FNBP1: variants seen among roughly 807,000 people sequenced by gnomAD.
FNBP1 encodes formin-binding protein 1.
In FNBP1, 26 loss-of-function variants were observed where a neutral mutation model predicts 90.6. That is an observed-to-expected ratio of 0.29 (90% confidence interval 0.21 to 0.40). The LOEUF (loss-of-function observed/expected upper bound fraction) is 0.40. Ranked by LOEUF, FNBP1 falls within the 10% of genes least tolerant of loss-of-function variation. FNBP1 has a pLI of 1.00. For synonymous variants in FNBP1, 260 were observed against 265.2 expected, an observed-to-expected ratio of 0.98 and a Z score of 0.19; for missense variants, 635 against 768.0, an observed-to-expected ratio of 0.83 and a Z score of 2.05.
intron 6 of FNBP1, among the ~76,000 whole-genome samples, chr9:129,937,567 C>G (rs1369173157): frequency 8.4e-6 from 1 of 119,304 alleles, no homozygotes; most frequent in Non-Finnish European, 1.8e-5. Context: ...CCCGTCTCTA[C>G]TAAAAATACA....
chr9:129,892,414 C>CACAAACACACAA (rs56282507), intron 16 of FNBP1, among the ~76,000 whole-genome samples: 1 of 125,232 alleles, frequency 8.0e-6, no homozygotes, highest in African/African-American at 3.0e-5. Flanking sequence ...CACACACACA[C>CACAAACACACAA]ACAAAAAGGT....
At chr9:129,990,017 C>A (rs537970787) in intron 2 of FNBP1, among the ~76,000 whole-genome samples, 1 of 151,912 alleles carries the variant, frequency 6.6e-6, no homozygotes, top group Admixed American at 6.6e-5. Flanking sequence ...CAGAGTGAGA[C>A]CCTGTCTCAA....
At chr9:129,985,022 A>G (rs2051935546) in intron 2 of FNBP1, among the ~76,000 whole-genome samples, 1 of 152,120 alleles carries the variant, frequency 6.6e-6, no homozygotes, top group South Asian at 2.1e-4. Flanking sequence ...CGTAAACCCC[A>G]TAACAGAACC....
chr9:129,924,229 G>A (rs112189461), intron 9 of FNBP1, among the ~76,000 whole-genome samples: 13 of 152,186 alleles, frequency 8.5e-5, no homozygotes, highest in Non-Finnish European at 5.9e-5. Flanking sequence ...TAAGTAATGC[G>A]ACAGAAGAGC....
intron 1 of FNBP1, among the ~76,000 whole-genome samples, chr9:129,998,875 C>G (rs937239440): frequency 6.6e-6 from 1 of 152,074 alleles, no homozygotes. Context: ...TATAATAAAG[C>G]GTTTACCAAG....
chr9:130,043,908 G>C (rs2060022464), upstream of FNBP1, among the ~76,000 whole-genome samples: 1 of 152,218 alleles, frequency 6.6e-6, no homozygotes, highest in Non-Finnish European at 1.5e-5. Flanking sequence ...TCCCGCACGT[G>C]CTGGCCGGGC....
intron 1 of FNBP1, among the ~76,000 whole-genome samples, chr9:130,035,861 G>A (rs1369154033): frequency 6.6e-6 from 1 of 152,026 alleles, no homozygotes; most frequent in Non-Finnish European, 1.5e-5. Context: ...CAGGAGAATC[G>A]CTTGAACCCG....
At chr9:129,953,109 C>G (rs1178669193) in intron 6 of FNBP1, among the ~76,000 whole-genome samples, 1 of 152,180 alleles carries the variant, frequency 6.6e-6, no homozygotes, top group Non-Finnish European at 1.5e-5. Flanking sequence ...TAAAAACTGA[C>G]TGTGTACTAG....
Position 129,903,233 on chromosome 9 carries a change from G to A in FNBP1, c.1296-232C>T, listed in dbSNP as rs551325547. Among the ~76,000 whole-genome samples the A allele has an allele frequency of 2.0e-5, 3 of 152,228 alleles. No individual in the cohort carries two copies. In the South Asian group the frequency reaches 6.2e-4, roughly 32 times the overall value. ...CACCCACCTAATTTTTGTATTTTTA[G>A]TAGAGATGGGGTTTTGCCACGTTGG... On this transcript the variant is annotated intron_variant, in intron 12 of 16. Transcript: ENST00000446176.
At chr9:129,904,794 C>T (rs961215197) in intron 12 of FNBP1, among the ~76,000 whole-genome samples, 2 of 152,052 alleles carry the variant, frequency 1.3e-5, no homozygotes, top group African/African-American at 4.8e-5. Context: ...CCTCCTGTTA[C>T]AATGGAAGCT....
In FNBP1 at chr9:130,006,634, C is replaced by A. The variant is rs527406746; in HGVS notation, c.25-11676G>T. ...GCAGTGAGACATGATGGTGCCACTG[C>A]ACTCCAGCCTGGGCGACAGAGGAAG... On this transcript the variant is annotated intron_variant, in intron 1 of 16. Coordinates refer to ENST00000446176, the MANE Select transcript of FNBP1 (RefSeq NM_015033.3). Among the ~76,000 whole-genome samples the A allele has an allele frequency of 7.2e-5, 11 of 152,256 alleles. No individual in the cohort carries two copies. In the South Asian group the frequency reaches 2.3e-3, roughly 32 times the overall value.
chr9:129,962,011 C>T (rs2047914940), intron 4 of FNBP1, among the ~76,000 whole-genome samples: 1 of 152,208 alleles, frequency 6.6e-6, no homozygotes, highest in African/African-American at 2.4e-5. Flanking sequence ...ATCTCATGAA[C>T]CCTTGCCCTC....
chr9:129,907,580 GGTGTGTGT>G (rs55973122), intron 12 of FNBP1, among the ~76,000 whole-genome samples: 14,593 of 147,026 alleles, frequency 0.099, 775 homozygotes, highest in African/African-American at 0.13. Context: ...TAGGAGTGAG[GGTGTGTGT>G]GTGTGTGTGT....
At chr9:129,981,190 G>A (rs1428205451) in intron 2 of FNBP1, among the ~76,000 whole-genome samples, 1 of 152,122 alleles carries the variant, frequency 6.6e-6, no homozygotes, top group East Asian at 1.9e-4. Context: ...CTGGGTTCAA[G>A]TGATTCTCCT....
intron 4 of FNBP1, 175 bp downstream of exon 4, chr9:129,978,290 A>T: frequency 1.8e-6 from 1 of 560,572 alleles, no homozygotes; most frequent in Middle Eastern, 4.9e-4. Context: ...AAGTCCTGGG[A>T]TTACAGGCAT....
rs1205171985 is a variant in FNBP1 at position 129,965,687 on chromosome 9, C to CACACAG, written c.346-7135_346-7134insCTGTGT. Among the ~76,000 whole-genome samples, 26 of 7,108 alleles carry CACACAG rather than the reference C, an allele frequency of 3.7e-3. No homozygotes were observed. In the South Asian group the frequency reaches 0.12, roughly 34 times the overall value. 4.7% of individuals were successfully genotyped at this position (7,108 alleles called of 152,430 possible). A position where few individuals can be genotyped will look rare whatever the true frequency, so the allele number is the denominator to read the frequency against. ...GTGAAACCCCATCTCTCTTAAAACA[C>CACACAG]ACACACACACGCGCGCGCGCGCACA... is the stretch of plus-strand genomic sequence containing the variant. On this transcript the variant is annotated intron_variant, in intron 4 of 16. Transcript: ENST00000446176.
At chr9:129,995,239 A>G (rs1312999427) in intron 1 of FNBP1, among the ~76,000 whole-genome samples, 1 of 152,158 alleles carries the variant, frequency 6.6e-6, no homozygotes, top group East Asian at 1.9e-4. Flanking sequence ...GCAAGGAAAA[A>G]TGTCATTCCC....
Position 129,890,822 on chromosome 9 carries a change from A to G in FNBP1, c.1847-276T>C, listed in dbSNP as rs1039057429. ...GAGACTGATGAGGCCATCCGCCCCA[A>G]CTCGTCTTTCTCATAAGTTTAGTTT... On this transcript the variant is annotated intron_variant, in intron 16 of 16. Coordinates refer to ENST00000446176, the MANE Select transcript of FNBP1 (RefSeq NM_015033.3). The surrounding 1 kb of genome is among the most constrained non-coding windows in gnomAD (Gnocchi z 5.8). 6.6e-6 allele frequency among the ~76,000 whole-genome samples: 1 copy of G among 152,074 alleles called. No homozygotes were observed. Among genetic ancestry groups the G allele is most frequent in the African/African-American group, 2.4e-5 (1 of 41,412 alleles).
intron 6 of FNBP1, among the ~76,000 whole-genome samples, chr9:129,940,154 T>C (rs535118312): frequency 1.3e-5 from 2 of 152,268 alleles, no homozygotes; most frequent in African/African-American, 4.8e-5. Context: ...TGAGCTATGA[T>C]TGTCCCACTG....
Sources: gnomAD v4.1 joint callset for allele counts (sites outside exome capture counted in the v4.1 genomes callset) on GRCh38, gnomAD v4.1.1 for gene constraint, Gnocchi (gnomAD v3.1) non-coding constraint, MANE v1.5 for transcripts, NCBI Gene and HGNC (gene_info 2026-07-23, HGNC 2026-07-21) for gene names.